TEAD1: variants seen among roughly 807,000 people sequenced by gnomAD.
TEAD1 encodes TEA domain transcription factor 1.
TEAD1 carries 9 observed loss-of-function variants against 54.9 expected under a neutral mutation model. The ratio of observed to expected loss-of-function variants is 0.16; its 90% CI spans 0.10 to 0.29. The LOEUF (loss-of-function observed/expected upper bound fraction) is 0.29. Ranked by LOEUF, TEAD1 falls within the 10% of genes least tolerant of loss-of-function variation. The pLI is 1.00. For missense variants in TEAD1, 387 were observed against 535.9 expected (o/e 0.72, Z 2.74); for synonymous variants, 200 against 187.8 (o/e 1.07, Z -0.53).
intron 10 of TEAD1, among the ~76,000 whole-genome samples, chr11:12,917,187 C>G (rs1948730366): frequency 6.6e-6 from 1 of 152,122 alleles, no homozygotes; most frequent in African/African-American, 2.4e-5. Context: ...AAAAAGACAT[C>G]CAGAGAGACG....
rs1365828010 is a variant in TEAD1, at chr11:12,924,928, A to G, written c.890A>G (p.Asn297Ser). ...TTCCAACAGGCTGATTTAAACTGCA[A>G]TATTCAAGATGATGCTGGGGCTTTT... is the stretch of plus-strand genomic sequence containing the variant. The change falls in exon 11 of 13, where the codon AAT becomes AGT. Residue 297 changes from asparagine to serine, a missense_variant. By Grantham distance (46) the Asn-to-Ser change is conservative. Coordinates refer to ENST00000527636, the MANE Select transcript of TEAD1 (RefSeq NM_021961.6). 3.1e-6 allele frequency: 5 copies of G among 1,614,162 alleles called. No homozygotes were observed. The highest frequency in any genetic ancestry group is 2.2e-5 in the East Asian group (1 of 44,880).
At chr11:12,790,280 G>C (rs1458341715) in intron 3 of TEAD1, among the ~76,000 whole-genome samples, 1 of 152,222 alleles carries the variant, frequency 6.6e-6, no homozygotes, top group Non-Finnish European at 1.5e-5. Context: ...ACTTGGACAT[G>C]GACATCAAGG....
rs1172858032 is a variant in TEAD1, at chr11:12,940,876, T to C, written c.*3654T>C. Reference sequence around the variant, plus strand: ...CTCTGGAACATTTCACCTTTAGAGATGGAGGATGGAAGGATTGGTACCAGA... The same window carrying C: ...CTCTGGAACATTTCACCTTTAGAGACGGAGGATGGAAGGATTGGTACCAGA... On this transcript the variant is annotated 3_prime_UTR_variant, in exon 13 of 13. Transcript: ENST00000527636. The C allele has an allele frequency of 6.6e-6, 1 of 152,188 alleles. No homozygotes were observed. Among genetic ancestry groups the C allele is most frequent in the Non-Finnish European group, 1.5e-5 (1 of 68,040 alleles). 9.4% of individuals were successfully genotyped at this position (152,188 alleles called of 1,614,324 possible). A position where few individuals can be genotyped will look rare whatever the true frequency, so the allele number is the denominator to read the frequency against.
chr11:12,759,587 G>T (rs929278427), intron 2 of TEAD1, among the ~76,000 whole-genome samples: 10 of 152,322 alleles, frequency 6.6e-5, no homozygotes, highest in South Asian at 4.1e-4. Context: ...TTCCAGCTGG[G>T]CGCGGTGGCT....
At chr11:12,880,196 G>A (rs892160437) in intron 6 of TEAD1, among the ~76,000 whole-genome samples, 1 of 152,106 alleles carries the variant, frequency 6.6e-6, no homozygotes, top group East Asian at 1.9e-4. Context: ...TCTTTTTCCT[G>A]GCCCTTGGTC....
chr11:12,702,786 T>G (rs1943730962), intron 2 of TEAD1, among the ~76,000 whole-genome samples: 1 of 152,182 alleles, frequency 6.6e-6, no homozygotes, highest in African/African-American at 2.4e-5. Flanking sequence ...GCAGGTTAAT[T>G]AATTTGCTGC....
chr11:12,709,576 A>G (rs1378293669), intron 2 of TEAD1, among the ~76,000 whole-genome samples: 1 of 152,002 alleles, frequency 6.6e-6, no homozygotes, highest in African/African-American at 2.4e-5. Context: ...GTTGGAGTGC[A>G]ATGGTGTGAT....
intron 2 of TEAD1, among the ~76,000 whole-genome samples, chr11:12,717,234 T>A (rs1258061799): frequency 6.6e-6 from 1 of 152,222 alleles, no homozygotes; most frequent in Non-Finnish European, 1.5e-5. Flanking sequence ...GGTATGCTAC[T>A]TTCTGCCTAC....
At chr11:12,701,540 A>T (rs191936873) in intron 2 of TEAD1, among the ~76,000 whole-genome samples, 1 of 152,260 alleles carries the variant, frequency 6.6e-6, no homozygotes, top group African/African-American at 2.4e-5. Context: ...GGGAAAGTTG[A>T]GTAATCGGAA....
At chr11:12,908,584 T>A (rs1473908716) in intron 10 of TEAD1, among the ~76,000 whole-genome samples, 1 of 152,200 alleles carries the variant, frequency 6.6e-6, no homozygotes, top group Non-Finnish European at 1.5e-5. Flanking sequence ...GTAAGGTGAA[T>A]AAACTATTAC....
chr11:12,833,334 C>T (rs781373045), intron 3 of TEAD1, among the ~76,000 whole-genome samples: 26 of 152,168 alleles, frequency 1.7e-4, no homozygotes, highest in Non-Finnish European at 3.4e-4. Context: ...TGCATTGCAG[C>T]CTGCAGAGAT....
chr11:12,674,981 G>GGCCCCCACACCCGCCTCCCCGC (rs1343977642), intron 1 of TEAD1, 147 bp downstream of exon 1: 10 of 147,750 alleles, frequency 6.8e-5, no homozygotes, highest in African/African-American at 2.5e-4. Context: ...GCCGCGGCCG[G>GGCCCCCACACCCGCCTCCCCGC]GCCCCCACAC....
chr11:12,704,764 G>A (rs1943779624), intron 2 of TEAD1, among the ~76,000 whole-genome samples: 1 of 152,212 alleles, frequency 6.6e-6, no homozygotes, highest in Admixed American at 6.5e-5. Context: ...CAAGTCAAAG[G>A]ATTGGGATGG....
chr11:12,809,731 G>A (rs561619735), intron 3 of TEAD1, among the ~76,000 whole-genome samples: 92 of 152,274 alleles, frequency 6.0e-4, no homozygotes, highest in Admixed American at 1.0e-3. Flanking sequence ...CTGGGGGCTG[G>A]CTGGGCCACT....
intron 2 of TEAD1, among the ~76,000 whole-genome samples, chr11:12,703,183 G>A (rs1379483686): frequency 2.0e-5 from 3 of 152,118 alleles, no homozygotes; most frequent in African/African-American, 7.2e-5. Flanking sequence ...GTGGAGCATA[G>A]CATCCCACAG....
intron 3 of TEAD1, among the ~76,000 whole-genome samples, chr11:12,794,929 A>G (rs1788794027): frequency 6.6e-6 from 1 of 152,224 alleles, no homozygotes; most frequent in South Asian, 2.1e-4. Context: ...CAGCAGGGTG[A>G]GCACCTTCAC....
At chr11:12,888,449 C>T (rs1006148590) in intron 9 of TEAD1, among the ~76,000 whole-genome samples, 8 of 152,078 alleles carry the variant, frequency 5.3e-5, no homozygotes, top group African/African-American at 1.4e-4. Flanking sequence ...GCGGAGGTGG[C>T]GGTGAGCTGA....
Position 12,674,560 on chromosome 11 carries a change from C to G in TEAD1, c.-482C>G, listed in dbSNP as rs1189161317. The G allele has an allele frequency of 1.3e-5, 2 of 151,068 alleles. No homozygotes were observed. The highest frequency in any genetic ancestry group is 3.9e-4 in the East Asian group (2 of 5,094). The allele number at this position is 151,068 out of a possible 1,614,324, so 9.4% of individuals were successfully genotyped here. ...GCAGACTCGCTTCCACCCTGCGGGC[C>G]ATTCCGCGCGGCGGGGCCCGGGCCC... On this transcript the variant is annotated 5_prime_UTR_variant, in exon 1 of 13. Coordinates refer to ENST00000527636, the MANE Select transcript of TEAD1 (RefSeq NM_021961.6).
intron 9 of TEAD1, among the ~76,000 whole-genome samples, chr11:12,885,355 C>A (rs1429067816): frequency 6.6e-6 from 1 of 151,764 alleles, no homozygotes; most frequent in Non-Finnish European, 1.5e-5. Flanking sequence ...CCTGCCTCAG[C>A]CTCCCGAGTA....
Sources: allele counts gnomAD v4.1 joint callset (sites outside exome capture counted in the v4.1 genomes callset), GRCh38; gene constraint gnomAD v4.1.1; transcripts MANE v1.5; gene names NCBI Gene and HGNC (gene_info 2026-07-23, HGNC 2026-07-21).